Variants in ALPK1 observed in about 807,000 individuals in gnomAD.
ALPK1 encodes the protein alpha kinase 1, also known as alpha-protein kinase 1.
In ALPK1, 110 loss-of-function variants were observed where a neutral mutation model predicts 120.6. The observed-to-expected ratio is 0.91, with a 90% CI of 0.78 to 1.07. The LOEUF is 1.07. Ranked by LOEUF, ALPK1 falls within the 50% of genes least tolerant of loss-of-function variation. The pLI is 0.00. For missense variants in ALPK1, 1,498 were observed against 1,483.9 expected, an observed-to-expected ratio of 1.01 and a Z score of -0.16; for synonymous variants, 582 against 560.3, an observed-to-expected ratio of 1.04 and a Z score of -0.55.
rs568250595 is a variant in ALPK1 at position 112,311,661 on chromosome 4, C to T, written c.-152-4140C>T. Among the ~76,000 whole-genome samples, 6 of 152,318 alleles carry T rather than the reference C, an allele frequency of 3.9e-5. No homozygotes were observed. The South Asian group carries it at 1.0e-3, about 26-fold the overall frequency. ...AAGGTGCCTTCCTGACTTTCACAGC[C>T]AGCTCCAGGGGAGGTTCTAGCCTTA... On this transcript the variant is annotated intron_variant, in intron 1 of 15. Transcript: ENST00000650871.
At position 112,441,207 on chromosome 4, in the gene ALPK1, A is replaced by G. The variant is rs1169365259; in HGVS notation, c.3732A>G (p.Thr1244=). Residue 1244 remains threonine, a synonymous_variant, in exon 16 of 16, where the codon ACA becomes ACG. Transcript: ENST00000650871. ...LTRPSMEKPC[T] is the part of the protein sequence containing the mutation. ...TATCTGGTTCTCTCCTTCCAGGCAC[A>G]TAGAATACGGCACAGTCTGGTCCTT... 2 of 1,593,758 alleles carry G rather than the reference A, an allele frequency of 1.3e-6. No individual in the cohort carries two copies.
chr4:112,440,003 A>G, intron 14 of ALPK1, 131 bp downstream of exon 14: 1 of 812,080 alleles, frequency 1.2e-6, no homozygotes. Context: ...AACTTAATTG[A>G]TCTTACTATA....
At chr4:112,319,179 A>G (rs534844866) in intron 2 of ALPK1, among the ~76,000 whole-genome samples, 32 of 152,334 alleles carry the variant, frequency 2.1e-4, no homozygotes, top group Middle Eastern at 6.8e-3. Flanking sequence ...GCAGGCAGCA[A>G]GAAGAGAGAC....
intron 4 of ALPK1, among the ~76,000 whole-genome samples, chr4:112,385,400 C>T (rs929246631): frequency 5.3e-5 from 8 of 152,174 alleles, no homozygotes; most frequent in African/African-American, 1.7e-4. Context: ...CACAAGGTCA[C>T]TCAGTAGCAG....
chr4:112,379,679 C>G (rs949203164), intron 3 of ALPK1, among the ~76,000 whole-genome samples: 1 of 152,246 alleles, frequency 6.6e-6, no homozygotes, highest in Admixed American at 6.5e-5. Flanking sequence ...CCAGCAGACC[C>G]TGCAACACAA....
At chr4:112,357,668 C>G in intron 2 of ALPK1, 1 of 1,604,284 alleles carries the variant, frequency 6.2e-7, no homozygotes, top group South Asian at 1.1e-5. Context: ...GGGATCATCC[C>G]CAGAGGCCCC....
At chr4:112,393,990 CA>C (rs1388030619) in intron 4 of ALPK1, among the ~76,000 whole-genome samples, 1 of 152,022 alleles carries the variant, frequency 6.6e-6, no homozygotes, top group Non-Finnish European at 1.5e-5. Flanking sequence ...ATTTCTCCAT[CA>C]AATGATAGAA....
At position 112,322,901 on chromosome 4, in the gene ALPK1, C is replaced by T. The variant is rs74597502; in HGVS notation, c.-101+7049C>T. 3.3e-5 allele frequency among the ~76,000 whole-genome samples: 5 copies of T among 152,350 alleles called. No homozygotes were observed. The East Asian group carries it at 9.6e-4, about 29-fold the overall frequency. On this transcript the variant is annotated intron_variant, in intron 2 of 15. Coordinates refer to ENST00000650871, the MANE Select transcript of ALPK1 (RefSeq NM_025144.4). ...AAAGAGTATTTGAGTAGCTGCTATA[C>T]AGCAATAAAGTACTTTGCCAATGTA... is the stretch of plus-strand genomic sequence containing the variant.
chr4:112,393,434 T>C (rs1732513288), intron 4 of ALPK1, among the ~76,000 whole-genome samples: 1 of 152,240 alleles, frequency 6.6e-6, no homozygotes, highest in Non-Finnish European at 1.5e-5. Flanking sequence ...CATGTAGATC[T>C]TACAGAAGTA....
At chr4:112,363,673 A>G (rs1278046867) in intron 2 of ALPK1, among the ~76,000 whole-genome samples, 1 of 152,180 alleles carries the variant, frequency 6.6e-6, no homozygotes, top group Admixed American at 6.5e-5. Flanking sequence ...ACAAGGCAAC[A>G]ATGGATTTAA....
At chr4:112,401,868 C>A (rs943004717) in intron 4 of ALPK1, among the ~76,000 whole-genome samples, 7 of 152,196 alleles carry the variant, frequency 4.6e-5, no homozygotes, top group African/African-American at 1.7e-4. Context: ...GGGTTTGAAT[C>A]TGCATTTTCT....
intron 4 of ALPK1, chr4:112,384,014 T>C (rs577491809): frequency 6.6e-6 from 1 of 152,354 alleles, no homozygotes; most frequent in East Asian, 1.9e-4. Context: ...ATGGTTGTAG[T>C]CTACTAAATG....
chr4:112,416,992 A>G (rs1349748298), intron 5 of ALPK1, among the ~76,000 whole-genome samples: 1 of 152,174 alleles, frequency 6.6e-6, no homozygotes, highest in Non-Finnish European at 1.5e-5. Context: ...ACAGATTAAT[A>G]TAGGAAGTAT....
At chr4:112,380,350 G>T (rs551501121) in intron 3 of ALPK1, among the ~76,000 whole-genome samples, 4 of 152,328 alleles carry the variant, frequency 2.6e-5, no homozygotes, top group Middle Eastern at 3.4e-3. Flanking sequence ...CTGCTTTCAA[G>T]GGGGAGCACT....
chr4:112,313,271 A>G (rs1728488159), intron 1 of ALPK1, among the ~76,000 whole-genome samples: 1 of 152,246 alleles, frequency 6.6e-6, no homozygotes, highest in Admixed American at 6.5e-5. Context: ...TCCAACATCA[A>G]GAGATCTAGA....
At chr4:112,412,320 CA>C in intron 5 of ALPK1, 1 of 569,102 alleles carries the variant, frequency 1.8e-6, no homozygotes, top group Non-Finnish European at 3.3e-6. Flanking sequence ...TGCTTTCAAA[CA>C]GGGGTATCTG....
intron 4 of ALPK1, among the ~76,000 whole-genome samples, chr4:112,396,582 C>G (rs897915656): frequency 4.6e-5 from 7 of 152,104 alleles, no homozygotes; most frequent in African/African-American, 1.7e-4. Flanking sequence ...TAATTTCTTT[C>G]TCATTAATAA....
intron 2 of ALPK1, chr4:112,343,516 A>G (rs1729958854): frequency 6.6e-6 from 1 of 152,242 alleles, no homozygotes; most frequent in African/African-American, 2.4e-5. Flanking sequence ...ATGCACTGAA[A>G]TATGATATCA....
chr4:112,338,242 A>T (rs916159896), intron 2 of ALPK1, among the ~76,000 whole-genome samples: 1 of 152,220 alleles, frequency 6.6e-6, no homozygotes, highest in Non-Finnish European at 1.5e-5. Context: ...GCTAGAATTC[A>T]GGCGTGAGCC....
Sources: allele counts gnomAD v4.1 joint callset (sites outside exome capture counted in the v4.1 genomes callset), GRCh38; gene constraint gnomAD v4.1.1; transcripts MANE v1.5; gene names NCBI Gene and HGNC (gene_info 2026-07-23, HGNC 2026-07-21).